ZDHHC7: variants seen among roughly 807,000 people sequenced by gnomAD.
ZDHHC7 encodes zDHHC palmitoyltransferase 7.
Under a neutral mutation model 34.1 loss-of-function variants are expected in ZDHHC7, and 12 were observed. That is an observed-to-expected ratio of 0.35 (90% confidence interval 0.23 to 0.57). ZDHHC7 has a LOEUF of 0.57. Among genes scored for constraint, ZDHHC7 ranks in the 20% least tolerant of loss-of-function variants. The pLI is 0.84. For missense variants in ZDHHC7, 388 were observed against 402.7 expected (o/e 0.96, Z 0.31); for synonymous variants, 185 against 155.4 (o/e 1.19, Z -1.42).
the ZDHHC7 span, among the ~76,000 whole-genome samples, chr16:85,019,969 T>G: frequency 6.6e-6 from 1 of 152,174 alleles, no homozygotes; most frequent in Admixed American, 6.6e-5. Flanking sequence ...GAAATCTCTT[T>G]GTACAGCTGC....
intron 1 of ZDHHC7, among the ~76,000 whole-genome samples, chr16:84,998,663 C>T (rs535682866): frequency 1.3e-5 from 2 of 152,176 alleles, no homozygotes; most frequent in African/African-American, 4.8e-5. Flanking sequence ...GGTCGCTTTT[C>T]CCTCAAGCTT....
intron 3 of ZDHHC7, among the ~76,000 whole-genome samples, chr16:84,985,554 T>C (rs2072425408): frequency 6.6e-6 from 1 of 152,034 alleles, no homozygotes. Flanking sequence ...AAAAAAGACA[T>C]TGCAGGGACC....
chr16:84,995,226 G>A (rs929715586), intron 2 of ZDHHC7, among the ~76,000 whole-genome samples: 5 of 152,090 alleles, frequency 3.3e-5, no homozygotes, highest in African/African-American at 4.8e-5. Context: ...CAACACTCCC[G>A]AACCTAAGCT....
chr16:85,012,892 G>A (rs763018936), upstream of ZDHHC7, among the ~76,000 whole-genome samples: 4 of 152,054 alleles, frequency 2.6e-5, no homozygotes, highest in South Asian at 8.3e-4. Context: ...GGGTGACAGC[G>A]AGACTCCATC....
chr16:85,019,637 G>A, the ZDHHC7 span, among the ~76,000 whole-genome samples: 1 of 152,128 alleles, frequency 6.6e-6, no homozygotes, highest in Non-Finnish European at 1.5e-5. Context: ...GAATGGCTCT[G>A]TGCCCAGGAG....
chr16:85,014,601 A>G (rs1475414998), upstream of ZDHHC7, among the ~76,000 whole-genome samples: 2 of 152,214 alleles, frequency 1.3e-5, no homozygotes, highest in African/African-American at 2.4e-5. Context: ...CTACAGTGTA[A>G]GAAGTGGAAG....
chr16:85,016,562 C>T, the ZDHHC7 span, among the ~76,000 whole-genome samples: 33 of 151,914 alleles, frequency 2.2e-4, no homozygotes, highest in African/African-American at 6.5e-4. Context: ...CTCAAGTGAT[C>T]CTTTGCCTCA....
At chr16:84,997,582 T>G (rs2072596560) in intron 1 of ZDHHC7, among the ~76,000 whole-genome samples, 1 of 151,052 alleles carries the variant, frequency 6.6e-6, no homozygotes, top group Non-Finnish European at 1.5e-5. Context: ...CTAAATATTC[T>G]TAAACAGAAT....
At chr16:85,003,968 C>G (rs34776984) in intron 1 of ZDHHC7, among the ~76,000 whole-genome samples, 12,854 of 152,152 alleles carry the variant, frequency 0.084, 718 homozygotes, top group African/African-American at 0.15. Flanking sequence ...CCTCGGCCTT[C>G]CCTTCATCTA....
At chr16:85,023,316 C>A in the ZDHHC7 span, among the ~76,000 whole-genome samples, 1 of 152,004 alleles carries the variant, frequency 6.6e-6, no homozygotes, top group African/African-American at 2.4e-5. Context: ...ACAGGTGTAC[C>A]ACCATGCCTG....
At chr16:85,018,916 T>G in the ZDHHC7 span, among the ~76,000 whole-genome samples, 4 of 152,162 alleles carry the variant, frequency 2.6e-5, no homozygotes, top group Non-Finnish European at 5.9e-5. Flanking sequence ...GCCAGAAGAC[T>G]GAAATTCCAC....
intron 3 of ZDHHC7, among the ~76,000 whole-genome samples, chr16:84,983,919 G>A (rs1329584554): frequency 6.6e-6 from 1 of 150,804 alleles, no homozygotes; most frequent in African/African-American, 2.4e-5. Context: ...GAGCACCCGG[G>A]AGGTGGAAGC....
chr16:84,986,009 A>G (rs16975090), intron 3 of ZDHHC7, among the ~76,000 whole-genome samples: 27,099 of 150,404 alleles, frequency 0.18, 2,650 homozygotes, highest in Admixed American at 0.28. Flanking sequence ...CTGAACTCTA[A>G]CAGGAGAGGT....
chr16:84,978,040 T>C, intron 5 of ZDHHC7, 35 bp from the exon 6 acceptor site: 1 of 1,529,138 alleles, frequency 6.5e-7, no homozygotes. Flanking sequence ...GTCACTTTTA[T>C]TTTTTATTTT....
the ZDHHC7 span, among the ~76,000 whole-genome samples, chr16:85,020,044 G>C: frequency 6.6e-6 from 1 of 152,226 alleles, no homozygotes; most frequent in Non-Finnish European, 1.5e-5. Flanking sequence ...CAGCTGGCAG[G>C]TGAGCAACAC....
chr16:84,991,242 C>T (rs1456857129), intron 2 of ZDHHC7, among the ~76,000 whole-genome samples: 1 of 152,194 alleles, frequency 6.6e-6, no homozygotes, highest in East Asian at 1.9e-4. Flanking sequence ...TTTTATATCT[C>T]TGTTCCTTGA....
At chr16:85,001,826 T>G (rs1408267384) in intron 1 of ZDHHC7, among the ~76,000 whole-genome samples, 1 of 152,136 alleles carries the variant, frequency 6.6e-6, no homozygotes, top group Non-Finnish European at 1.5e-5. Context: ...TCTTCCCATG[T>G]CGGCCAAAGT....
At chr16:84,978,072 C>T in intron 5 of ZDHHC7, 67 bp from the exon 6 acceptor site, 1 of 1,341,174 alleles carries the variant, frequency 7.5e-7, no homozygotes, top group Non-Finnish European at 1.0e-6. Context: ...GAGTCTCCCT[C>T]TGTTGTCCAG....
chr16:84,993,769 C>T (rs1193092827), intron 2 of ZDHHC7, among the ~76,000 whole-genome samples: 1 of 152,202 alleles, frequency 6.6e-6, no homozygotes, highest in Non-Finnish European at 1.5e-5. Context: ...TTTTCTGAAC[C>T]TACATCTTCT....
Sources: gnomAD v4.1 joint callset for allele counts (sites outside exome capture counted in the v4.1 genomes callset) on GRCh38, gnomAD v4.1.1 for gene constraint, MANE v1.5 for transcripts, NCBI Gene and HGNC (gene_info 2026-07-23, HGNC 2026-07-21) for gene names.